ARHGAP15: variants seen among roughly 807,000 people sequenced by gnomAD.
The protein encoded by ARHGAP15 is rho GTPase-activating protein 15.
Under a neutral mutation model 63.7 loss-of-function variants are expected in ARHGAP15, and 51 were observed. The ratio of observed to expected loss-of-function variants is 0.80; its 90% CI spans 0.64 to 1.01. ARHGAP15 has a LOEUF of 1.01. ARHGAP15 is among the 50% of genes least tolerant of loss of function. The probability of loss-of-function intolerance (pLI) is 0.00; values close to 1 mark genes in which losing one functional copy is unlikely to be tolerated. For missense variants in ARHGAP15, 560 were observed against 564.6 expected, an observed-to-expected ratio of 0.99 and a Z score of 0.08; for synonymous variants, 191 against 193.8, an observed-to-expected ratio of 0.99 and a Z score of 0.12.
chr2:143,235,864 G>T lies in ARHGAP15; in HGVS notation c.384+7196G>T. The stretch of plus-strand genomic sequence containing the variant: ...TTTTCAGGTACACTTTCCTATTTTA[G>T]TATCAGTGAAGTATTTCAATTGACT... On this transcript the variant is annotated intron_variant, in intron 5 of 13. Coordinates refer to ENST00000295095, the MANE Select transcript of ARHGAP15 (RefSeq NM_018460.4). 3 of 1,440,700 alleles carry T rather than the reference G, an allele frequency of 2.1e-6. No individual in the cohort carries two copies. In the South Asian group the frequency reaches 4.2e-5, roughly 20 times the overall value. The allele number at this position is 1,440,700 out of a possible 1,614,324, so 89.2% of individuals were successfully genotyped here.
At chr2:143,511,146 G>A (rs1055704897) in intron 9 of ARHGAP15, among the ~76,000 whole-genome samples, 3 of 152,070 alleles carry the variant, frequency 2.0e-5, no homozygotes, top group African/African-American at 4.8e-5. Flanking sequence ...TAACAAAATC[G>A]GTCAAAAAGT....
chr2:143,588,320 T>A (rs1697188651), intron 11 of ARHGAP15, among the ~76,000 whole-genome samples: 1 of 152,194 alleles, frequency 6.6e-6, no homozygotes, highest in Non-Finnish European at 1.5e-5. Flanking sequence ...CTCCACTGCA[T>A]CCCAATTTGC....
chr2:143,150,243 A>G lies in ARHGAP15; in HGVS notation c.-14-5234A>G, dbSNP rs528253949. ...TTTTAATGCTGTTGATGTGAAAGAG[A>G]TGTCAAAAATACACATTCTAACTCA... On this transcript the variant is annotated intron_variant, in intron 1 of 13. Transcript: ENST00000295095. 5.3e-5 allele frequency among the ~76,000 whole-genome samples: 8 copies of G among 152,152 alleles called. No individual in the cohort carries two copies. In the South Asian group the frequency reaches 1.7e-3, roughly 31 times the overall value.
intron 1 of ARHGAP15, among the ~76,000 whole-genome samples, chr2:143,131,375 C>T (rs542775130): frequency 4.6e-5 from 7 of 152,216 alleles, no homozygotes; most frequent in Middle Eastern, 3.4e-3. Context: ...GAAAATAATA[C>T]GGAAGATTTT....
intron 11 of ARHGAP15, among the ~76,000 whole-genome samples, chr2:143,576,136 C>G (rs10167657): frequency 0.29 from 43,387 of 151,976 alleles, 6,974 homozygotes; most frequent in African/African-American, 0.44. Context: ...TATTTAACTA[C>G]GTTTAAAATA....
chr2:143,673,752 G>GTATATATA (rs1158257230), intron 12 of ARHGAP15, among the ~76,000 whole-genome samples: 4 of 32,914 alleles, frequency 1.2e-4, no homozygotes, highest in Non-Finnish European at 1.5e-4. Context: ...GTGTGTGTGT[G>GTATATATA]TGTGTGTATA....
At chr2:143,393,947 A>G (rs1687651226) in intron 6 of ARHGAP15, among the ~76,000 whole-genome samples, 1 of 152,120 alleles carries the variant, frequency 6.6e-6, no homozygotes, top group African/African-American at 2.4e-5. Context: ...TGGCATTCTT[A>G]TGAGCTGGAG....
At chr2:143,654,470 A>C (rs1432332528) in intron 12 of ARHGAP15, among the ~76,000 whole-genome samples, 1 of 152,198 alleles carries the variant, frequency 6.6e-6, no homozygotes, top group Non-Finnish European at 1.5e-5. Context: ...CAATTGATTT[A>C]TGTAAGTGAA....
intron 6 of ARHGAP15, among the ~76,000 whole-genome samples, chr2:143,294,473 G>T (rs542358870): frequency 1.3e-5 from 2 of 152,098 alleles, no homozygotes; most frequent in African/African-American, 2.4e-5. Flanking sequence ...TTGTTGATTG[G>T]CAGGCTGCTT....
intron 6 of ARHGAP15, among the ~76,000 whole-genome samples, chr2:143,313,659 G>A (rs537186852): frequency 1.3e-5 from 2 of 152,276 alleles, no homozygotes; most frequent in Non-Finnish European, 2.9e-5. Flanking sequence ...GACAGATGCT[G>A]AGGTAGAGTC....
At chr2:143,245,652 G>T (rs998857443) in intron 5 of ARHGAP15, among the ~76,000 whole-genome samples, 2 of 151,756 alleles carry the variant, frequency 1.3e-5, no homozygotes, top group East Asian at 3.9e-4. Flanking sequence ...AATGAACATG[G>T]TTAGAGGCTG....
Position 143,767,973 on chromosome 2 carries a change from T to TC in ARHGAP15, c.1245-16_1245-15insC, listed in dbSNP as rs759992714. The TC allele has an allele frequency of 3.1e-6, 5 of 1,601,366 alleles. No homozygotes were observed. The highest frequency in any genetic ancestry group is 2.2e-5 in the South Asian group (2 of 89,262). On this transcript the variant is annotated splice_polypyrimidine_tract_variant and intron_variant, in intron 13 of 13. Coordinates refer to ENST00000295095, the MANE Select transcript of ARHGAP15 (RefSeq NM_018460.4). ...CAAACTCCAGTGAAATTATTTTTTT[T>TC]TCTCTCTCTCCACAGGATAGTGGCC...
chr2:143,377,369 TTTTCA>T (rs1686860597), intron 6 of ARHGAP15, among the ~76,000 whole-genome samples: 1 of 151,984 alleles, frequency 6.6e-6, no homozygotes. Context: ...TATTTTTTTC[TTTTCA>T]TTATTAGAAA....
At chr2:143,702,695 C>T (rs1387190448) in intron 12 of ARHGAP15, among the ~76,000 whole-genome samples, 1 of 152,054 alleles carries the variant, frequency 6.6e-6, no homozygotes, top group African/African-American at 2.4e-5. Flanking sequence ...CTGCGGTATC[C>T]CTAGAGGCTC....
intron 13 of ARHGAP15, among the ~76,000 whole-genome samples, chr2:143,721,347 A>T (rs928688015): frequency 1.3e-5 from 2 of 152,204 alleles, no homozygotes; most frequent in Non-Finnish European, 1.5e-5. Context: ...AGAAACATGG[A>T]GTGTCCAAAA....
intron 6 of ARHGAP15, among the ~76,000 whole-genome samples, chr2:143,413,962 T>TGCGC (rs1337258046): frequency 1.2e-4 from 7 of 59,602 alleles, no homozygotes; most frequent in African/African-American, 2.5e-4. Flanking sequence ...TGTGTGTGTG[T>TGCGC]GTGTGCGCGC....
chr2:143,721,830 G>A (rs1685072806), intron 13 of ARHGAP15, among the ~76,000 whole-genome samples: 1 of 152,146 alleles, frequency 6.6e-6, no homozygotes, highest in African/African-American at 2.4e-5. Context: ...GGAACTACAG[G>A]CGCCCACCAC....
intron 6 of ARHGAP15, among the ~76,000 whole-genome samples, chr2:143,390,737 A>G (rs1374470947): frequency 8.7e-4 from 8 of 9,148 alleles, no homozygotes; most frequent in Admixed American, 1.6e-3. Context: ...ACATGCACAC[A>G]CACACACACA....
intron 6 of ARHGAP15, among the ~76,000 whole-genome samples, chr2:143,318,946 C>T (rs1683862558): frequency 6.6e-6 from 1 of 152,162 alleles, no homozygotes; most frequent in South Asian, 2.1e-4. Context: ...CGAAAACTCC[C>T]GCGCAAATAT....
Sources: allele counts gnomAD v4.1 joint callset (sites outside exome capture counted in the v4.1 genomes callset), GRCh38; gene constraint gnomAD v4.1.1; transcripts MANE v1.5; gene names NCBI Gene and HGNC (gene_info 2026-07-23, HGNC 2026-07-21).